ARIH2: variants seen among roughly 807,000 people sequenced by gnomAD.
ARIH2 encodes E3 ubiquitin-protein ligase ARIH2.
Under a neutral mutation model 79.8 loss-of-function variants are expected in ARIH2, and 12 were observed. That is an observed-to-expected ratio of 0.15 (90% confidence interval 0.10 to 0.24). The LOEUF is 0.24. Among genes scored for constraint, ARIH2 ranks in the 10% least tolerant of loss-of-function variants. The pLI, the probability that ARIH2 is intolerant of heterozygous loss-of-function variation, is 1.00. For synonymous variants in ARIH2, 224 were observed against 213.9 expected, an observed-to-expected ratio of 1.05 and a Z score of -0.41; for missense variants, 301 against 618.3, an observed-to-expected ratio of 0.49 and a Z score of 5.44.
chr3:48,972,722 C>CT (rs1559844243), intron 8 of ARIH2, among the ~76,000 whole-genome samples: 1 of 151,996 alleles, frequency 6.6e-6, no homozygotes, highest in Admixed American at 6.6e-5. Flanking sequence ...TAAAGCAATC[C>CT]TTTTTTTAAA....
intron 3 of ARIH2, among the ~76,000 whole-genome samples, chr3:48,951,844 TATTTTTAAAGAATCC>T (rs1001462367): frequency 6.6e-6 from 1 of 152,200 alleles, no homozygotes; most frequent in South Asian, 2.1e-4. Context: ...ACTTTGTTGA[TATTTTTAAAGAATCC>T]ATTTTTAGAC....
chr3:48,926,711 T>C (rs1209002631), intron 2 of ARIH2: 1 of 152,162 alleles, frequency 6.6e-6, no homozygotes, highest in Admixed American at 6.6e-5. Flanking sequence ...TCACCACACC[T>C]GGCTAATTTT....
In ARIH2 at chr3:48,924,599, A is replaced by G. The variant is rs965313999; in HGVS notation, c.-98+1788A>G. 10 of 151,214 alleles carry G rather than the reference A, an allele frequency of 6.6e-5. 1 individual carries two copies. Among genetic ancestry groups the G allele is most frequent in the South Asian group, 4.2e-4 (2 of 4,780 alleles). The allele number at this position is 151,214 out of a possible 1,614,324, so 9.4% of individuals were successfully genotyped here. On this transcript the variant is annotated intron_variant, in intron 2 of 15. Coordinates refer to ENST00000356401, the MANE Select transcript of ARIH2 (RefSeq NM_006321.4). ...AGTGGCATGATCTTGGCTCACTGCA[A>G]CCTCCTCCCTGGTTCAAGTGATTCT...
chr3:48,982,796 TC>T (rs1576582408), intron 14 of ARIH2, 99 bp from the exon 15 acceptor site: 2 of 817,502 alleles, frequency 2.4e-6, no homozygotes, highest in East Asian at 4.9e-5. Flanking sequence ...TGTCTGTAGT[TC>T]CTGTGAGCCT....
chr3:48,943,871 C>T (rs778570698), intron 3 of ARIH2, among the ~76,000 whole-genome samples: 20 of 152,098 alleles, frequency 1.3e-4, no homozygotes, highest in Non-Finnish European at 2.2e-4. Context: ...GTCTTTGCCT[C>T]CTTACAGTAG....
intron 4 of ARIH2, among the ~76,000 whole-genome samples, chr3:48,964,414 C>A (rs1031564858): frequency 2.6e-5 from 4 of 151,676 alleles, no homozygotes. Flanking sequence ...CTCCCGGGTT[C>A]GAACGATTCT....
chr3:48,958,168 C>A (rs2090826815), intron 3 of ARIH2, among the ~76,000 whole-genome samples: 1 of 152,150 alleles, frequency 6.6e-6, no homozygotes, highest in Non-Finnish European at 1.5e-5. Context: ...ACAACAACAA[C>A]AAATCAACTG....
intron 3 of ARIH2, among the ~76,000 whole-genome samples, chr3:48,933,240 GT>G (rs2086629754): frequency 1.4e-3 from 5 of 3,640 alleles, no homozygotes; most frequent in Non-Finnish European, 3.0e-3. Flanking sequence ...GCCCGGGTGT[GT>G]GTGTGTGTGT....
intron 3 of ARIH2, among the ~76,000 whole-genome samples, chr3:48,938,028 C>G (rs2087429253): frequency 8.0e-6 from 1 of 124,866 alleles, no homozygotes; most frequent in Non-Finnish European, 1.6e-5. Context: ...GCCTGGGCGA[C>G]AGAGCCAGAC....
chr3:48,948,098 C>G (rs2089441634), intron 3 of ARIH2, among the ~76,000 whole-genome samples: 1 of 151,646 alleles, frequency 6.6e-6, no homozygotes, highest in Non-Finnish European at 1.5e-5. Flanking sequence ...GTAGCTGGGA[C>G]TACAGGCGCC....
intron 3 of ARIH2, chr3:48,934,832 C>G (rs1395400998): frequency 3.0e-6 from 3 of 985,294 alleles, no homozygotes; most frequent in African/African-American, 1.7e-5. Context: ...ACATGCTCAT[C>G]ATCTTCCAGA....
At chr3:48,951,627 C>A (rs1226337372) in intron 3 of ARIH2, among the ~76,000 whole-genome samples, 5 of 151,592 alleles carry the variant, frequency 3.3e-5, no homozygotes, top group Admixed American at 1.3e-4. Context: ...CTCAGTTTTT[C>A]TTTTTCATTT....
At chr3:48,954,386 A>G (rs2090344507) in intron 3 of ARIH2, among the ~76,000 whole-genome samples, 1 of 151,990 alleles carries the variant, frequency 6.6e-6, no homozygotes, top group Non-Finnish European at 1.5e-5. Flanking sequence ...GCAGTGAGCC[A>G]GGATCGCACT....
intron 13 of ARIH2, among the ~76,000 whole-genome samples, chr3:48,980,823 C>A (rs1207507775): frequency 1.3e-5 from 2 of 151,758 alleles, no homozygotes; most frequent in Non-Finnish European, 2.9e-5. Context: ...GAGTTTGAGA[C>A]CAGCCTGGCC....
chr3:48,937,853 C>T (rs1002807214), intron 3 of ARIH2, among the ~76,000 whole-genome samples: 1 of 152,006 alleles, frequency 6.6e-6, no homozygotes, highest in Non-Finnish European at 1.5e-5. Context: ...CAAGATCATC[C>T]TGGCCAACAC....
At chr3:48,973,918 A>G in intron 9 of ARIH2, 102 bp downstream of exon 9, 1 of 876,200 alleles carries the variant, frequency 1.1e-6, no homozygotes. Context: ...CCAGAGCCCC[A>G]GGACCCTTCC....
intron 5 of ARIH2, among the ~76,000 whole-genome samples, chr3:48,966,783 G>T (rs2091828019): frequency 2.6e-5 from 4 of 152,146 alleles, no homozygotes; most frequent in Admixed American, 2.0e-4. Flanking sequence ...GCTTCTAAAA[G>T]AATTTGGACT....
At chr3:48,933,271 TGTGTGTGTGTGTGTGTGA>T (rs1302519569) in intron 3 of ARIH2, among the ~76,000 whole-genome samples, 1 of 72,916 alleles carries the variant, frequency 1.4e-5, no homozygotes, top group African/African-American at 4.2e-5. Flanking sequence ...TGTGTGTGTG[TGTGTGTGTGTGTGTGTGA>T]TCACAGGTGC....
chr3:48,925,866 C>T (rs1267724038), intron 2 of ARIH2, among the ~76,000 whole-genome samples: 10 of 151,876 alleles, frequency 6.6e-5, no homozygotes, highest in Non-Finnish European at 1.3e-4. Flanking sequence ...ATTACACGCA[C>T]GCACCACCAC....
Sources: allele counts gnomAD v4.1 joint callset (sites outside exome capture counted in the v4.1 genomes callset), GRCh38; gene constraint gnomAD v4.1.1; transcripts MANE v1.5; gene names NCBI Gene and HGNC (gene_info 2026-07-23, HGNC 2026-07-21).